LRRC4C: variants seen among roughly 807,000 people sequenced by gnomAD.
The protein encoded by LRRC4C is leucine-rich repeat-containing protein 4C.
A neutral mutation model predicts 33.6 loss-of-function variants in LRRC4C; 5 were observed. The ratio of observed to expected loss-of-function variants is 0.15; its 90% CI spans 0.08 to 0.31. The LOEUF (loss-of-function observed/expected upper bound fraction) is 0.31. Ranked by LOEUF, LRRC4C falls within the 10% of genes least tolerant of loss-of-function variation. The pLI, the probability that LRRC4C is intolerant of heterozygous loss-of-function variation, is 1.00. For synonymous variants in LRRC4C, 329 were observed against 302.0 expected (o/e 1.09, Z -0.93); for missense variants, 560 against 796.7 (o/e 0.70, Z 3.58).
At chr11:40,556,012 A>T (rs527653443) in intron 3 of LRRC4C, among the ~76,000 whole-genome samples, 4 of 152,312 alleles carry the variant, frequency 2.6e-5, no homozygotes, top group African/African-American at 9.6e-5. Context: ...GAAAAAATGA[A>T]ACTATAGCCT....
chr11:40,885,832 C>G (rs1361316865), intron 2 of LRRC4C, among the ~76,000 whole-genome samples: 1 of 152,060 alleles, frequency 6.6e-6, no homozygotes, highest in Non-Finnish European at 1.5e-5. Context: ...ATGTTAAATA[C>G]TTATTAAAGG....
At chr11:40,826,468 A>C (rs2135510522) in intron 2 of LRRC4C, among the ~76,000 whole-genome samples, 1 of 152,098 alleles carries the variant, frequency 6.6e-6, no homozygotes, top group South Asian at 2.1e-4. Context: ...GATTCTGCCC[A>C]AGGGTATGTG....
At chr11:41,383,244 C>A (rs1267608837) in intron 1 of LRRC4C, among the ~76,000 whole-genome samples, 1 of 152,012 alleles carries the variant, frequency 6.6e-6, no homozygotes. Context: ...CCTGATAGCT[C>A]CTATTGTTAG....
intron 1 of LRRC4C, among the ~76,000 whole-genome samples, chr11:41,002,530 C>T (rs959773064): frequency 2.0e-5 from 3 of 152,118 alleles, no homozygotes; most frequent in African/African-American, 7.2e-5. Flanking sequence ...GTTTTTGCTA[C>T]CAACTTTATC....
chr11:41,162,811 T>C lies in LRRC4C; in HGVS notation c.-495-229088A>G, dbSNP rs368603745. ...GTGAATGTGAAGGCCTGGAACATTA[T>C]TGTACACTACTGTAGACTTTATGAA... On this transcript the variant is annotated intron_variant, in intron 1 of 6. Coordinates refer to ENST00000528697, the MANE Select transcript of LRRC4C (RefSeq NM_001258419.2). Among the ~76,000 whole-genome samples, 98 of 152,330 alleles carry C rather than the reference T, an allele frequency of 6.4e-4. No individual in the cohort carries two copies. The South Asian group carries it at 0.02, about 31-fold the overall frequency.
intron 3 of LRRC4C, among the ~76,000 whole-genome samples, chr11:40,393,358 T>C (rs1949410856): frequency 6.6e-6 from 1 of 152,142 alleles, no homozygotes; most frequent in South Asian, 2.1e-4. Flanking sequence ...CTTTAAAATA[T>C]CCAGGTAATA....
chr11:41,229,501 T>G (rs1947689726), intron 1 of LRRC4C, among the ~76,000 whole-genome samples: 1 of 152,152 alleles, frequency 6.6e-6, no homozygotes, highest in Admixed American at 6.6e-5. Context: ...ACCTCTTCAC[T>G]GTTGTCATCA....
At chr11:40,701,412 A>G (rs1945856924) in intron 2 of LRRC4C, among the ~76,000 whole-genome samples, 1 of 152,046 alleles carries the variant, frequency 6.6e-6, no homozygotes, top group African/African-American at 2.4e-5. Context: ...AAAATATGTA[A>G]TAAAGCGTAT....
chr11:40,249,523 G>T (rs924927464), intron 4 of LRRC4C, among the ~76,000 whole-genome samples: 4 of 150,340 alleles, frequency 2.7e-5, no homozygotes, highest in Non-Finnish European at 5.9e-5. Context: ...ATCAGAAAAA[G>T]AAAATTGTAT....
At chr11:40,673,736 C>A (rs1357247971) in intron 2 of LRRC4C, among the ~76,000 whole-genome samples, 2 of 152,162 alleles carry the variant, frequency 1.3e-5, no homozygotes, top group African/African-American at 4.8e-5. Context: ...CAGACACTGC[C>A]TGTTACTTCA....
intron 1 of LRRC4C, among the ~76,000 whole-genome samples, chr11:41,248,412 G>A (rs183437556): frequency 1.9e-3 from 286 of 152,230 alleles, no homozygotes; most frequent in Non-Finnish European, 3.1e-3. Context: ...TCTCTTCCCA[G>A]TCCTTGGTTT....
chr11:40,965,967 C>T (rs184274028), intron 1 of LRRC4C, among the ~76,000 whole-genome samples: 2,109 of 152,114 alleles, frequency 0.014, 56 homozygotes, highest in African/African-American at 0.049. Flanking sequence ...GGCAGTATGG[C>T]CATTTTCATG....
intron 1 of LRRC4C, among the ~76,000 whole-genome samples, chr11:41,159,655 T>A (rs866719845): frequency 6.6e-6 from 1 of 152,178 alleles, no homozygotes; most frequent in Non-Finnish European, 1.5e-5. Flanking sequence ...CCTAATTTAC[T>A]ACTCGACTCT....
At chr11:40,746,550 T>C (rs1948431516) in intron 2 of LRRC4C, among the ~76,000 whole-genome samples, 1 of 152,146 alleles carries the variant, frequency 6.6e-6, no homozygotes, top group South Asian at 2.1e-4. Flanking sequence ...AGCACAACCA[T>C]TGCTGCCCCT....
At chr11:40,739,239 C>T (rs1009740660) in intron 2 of LRRC4C, among the ~76,000 whole-genome samples, 12 of 152,020 alleles carry the variant, frequency 7.9e-5, no homozygotes, top group Admixed American at 1.3e-4. Flanking sequence ...GTCCTAGCAA[C>T]CTCCATTCTA....
chr11:41,242,368 T>C (rs1341044850), intron 1 of LRRC4C, among the ~76,000 whole-genome samples: 3 of 152,176 alleles, frequency 2.0e-5, no homozygotes, highest in Non-Finnish European at 4.4e-5. Flanking sequence ...TTTGAAATTT[T>C]TCATGAGATA....
chr11:40,890,185 T>C (rs561057205), intron 2 of LRRC4C, among the ~76,000 whole-genome samples: 1 of 152,200 alleles, frequency 6.6e-6, no homozygotes, highest in Admixed American at 6.5e-5. Context: ...TTGTCCATTC[T>C]GTGTTGCTAT....
chr11:41,013,472 T>A (rs1308989084), intron 1 of LRRC4C, among the ~76,000 whole-genome samples: 2 of 152,188 alleles, frequency 1.3e-5, no homozygotes, highest in Non-Finnish European at 2.9e-5. Flanking sequence ...ATAAAACTAA[T>A]CTGTGAGGCT....
At chr11:40,647,716 G>C (rs10837456) in intron 3 of LRRC4C, among the ~76,000 whole-genome samples, 27,376 of 152,124 alleles carry the variant, frequency 0.18, 3,172 homozygotes, top group East Asian at 0.47. Context: ...ATTAATGATT[G>C]AACCACTGCC....
Sources: gnomAD v4.1 joint callset for allele counts (sites outside exome capture counted in the v4.1 genomes callset) on GRCh38, gnomAD v4.1.1 for gene constraint, MANE v1.5 for transcripts, NCBI Gene and HGNC (gene_info 2026-07-23, HGNC 2026-07-21) for gene names.